Variants in CELF2 observed in about 807,000 individuals in gnomAD.
The protein encoded by CELF2 is CUG triplet repeat RNA-binding protein 2.
Under a neutral mutation model 62.6 loss-of-function variants are expected in CELF2, and 8 were observed. The ratio of observed to expected loss-of-function variants is 0.13; its 90% confidence interval spans 0.07 to 0.23. The LOEUF (loss-of-function observed/expected upper bound fraction) is 0.23. Among genes scored for constraint, CELF2 ranks in the 10% least tolerant of loss-of-function variants. CELF2 has a pLI of 1.00. For synonymous variants in CELF2, 258 were observed against 250.0 expected, an observed-to-expected ratio of 1.03 and a Z score of -0.30; for missense variants, 333 against 671.0, an observed-to-expected ratio of 0.50 and a Z score of 5.56.
intron 1 of CELF2, among the ~76,000 whole-genome samples, chr10:10,835,665 G>A (rs1476613797): frequency 6.6e-6 from 1 of 152,160 alleles, no homozygotes; most frequent in African/African-American, 2.4e-5. Flanking sequence ...TTACAGGTGT[G>A]AGCCACCACG....
chr10:10,521,103 C>G, the CELF2 span, among the ~76,000 whole-genome samples: 2 of 152,282 alleles, frequency 1.3e-5, no homozygotes, highest in East Asian at 1.9e-4. Context: ...CAAGAGGAAA[C>G]AGAAGGTGGC....
At chr10:10,881,747 C>G (rs1156770473) in intron 1 of CELF2, among the ~76,000 whole-genome samples, 2 of 117,626 alleles carry the variant, frequency 1.7e-5, no homozygotes, top group African/African-American at 2.7e-5. Flanking sequence ...CTGCTAGAAT[C>G]CCTTTTTTTC....
At chr10:11,194,484 C>T (rs1309312853) in intron 2 of CELF2, among the ~76,000 whole-genome samples, 1 of 152,196 alleles carries the variant, frequency 6.6e-6, no homozygotes, top group Admixed American at 6.5e-5. Flanking sequence ...TGCATTCATA[C>T]AGTCCCCTAG....
the CELF2 span, among the ~76,000 whole-genome samples, chr10:10,531,592 C>T: frequency 1.6e-4 from 24 of 152,216 alleles, no homozygotes; most frequent in African/African-American, 5.1e-4. Context: ...CACACTGAGC[C>T]GCTCTACCCA....
At chr10:10,565,726 G>A in the CELF2 span, among the ~76,000 whole-genome samples, 395 of 152,238 alleles carry the variant, frequency 2.6e-3, 3 homozygotes, top group African/African-American at 9.2e-3. Flanking sequence ...TAATAAGCAC[G>A]GTAATGCAAA....
At chr10:10,954,974 A>T (rs1554749217) in intron 2 of CELF2, among the ~76,000 whole-genome samples, 1 of 152,250 alleles carries the variant, frequency 6.6e-6, no homozygotes, top group Non-Finnish European at 1.5e-5. Context: ...TCAACTGCCT[A>T]TTTCAAAGGC....
At chr10:11,277,565 C>G (rs2086626672) in intron 8 of CELF2, among the ~76,000 whole-genome samples, 1 of 152,216 alleles carries the variant, frequency 6.6e-6, no homozygotes, top group African/African-American at 2.4e-5. Context: ...GAACAGATTT[C>G]TAACTCAACA....
chr10:10,726,233 G>A, the CELF2 span, among the ~76,000 whole-genome samples: 1 of 152,182 alleles, frequency 6.6e-6, no homozygotes, highest in Non-Finnish European at 1.5e-5. Context: ...GCCTAGGGGT[G>A]AAGTAGAGGG....
intron 1 of CELF2, among the ~76,000 whole-genome samples, chr10:11,126,737 T>C (rs891907160): frequency 2.6e-5 from 4 of 152,184 alleles, no homozygotes; most frequent in African/African-American, 9.7e-5. Context: ...TTTCATAATA[T>C]ATACATTTCT....
chr10:10,773,582 G>A, the CELF2 span, among the ~76,000 whole-genome samples: 1 of 152,128 alleles, frequency 6.6e-6, no homozygotes, highest in Non-Finnish European at 1.5e-5. Flanking sequence ...GCTTTAACTG[G>A]GTACCTCTGA....
chr10:11,069,665 G>A (rs1160897199), intron 1 of CELF2, among the ~76,000 whole-genome samples: 1 of 152,146 alleles, frequency 6.6e-6, no homozygotes, highest in Non-Finnish European at 1.5e-5. Context: ...ATACAGAGGT[G>A]GTTAGAAGGA....
intron 4 of CELF2, 52 bp downstream of exon 4, chr10:11,249,253 TAC>T: frequency 1.3e-6 from 2 of 1,485,276 alleles, no homozygotes; most frequent in Non-Finnish European, 1.9e-6. Flanking sequence ...TGCTTTAAAT[TAC>T]AAAGTCAGTT....
At chr10:10,872,614 G>A (rs1459358698) in intron 1 of CELF2, among the ~76,000 whole-genome samples, 2 of 152,102 alleles carry the variant, frequency 1.3e-5, no homozygotes, top group East Asian at 3.9e-4. Context: ...GCAAGGCTGT[G>A]CCGACTCTAA....
intron 1 of CELF2, among the ~76,000 whole-genome samples, chr10:10,906,051 A>T (rs553921454): frequency 1.6e-4 from 25 of 152,188 alleles, no homozygotes; most frequent in Non-Finnish European, 3.2e-4. Context: ...AGCCTGGGCG[A>T]TAGAGCCAGA....
intron 1 of CELF2, among the ~76,000 whole-genome samples, chr10:10,855,672 C>T (rs116558688): frequency 5.3e-4 from 81 of 152,276 alleles, no homozygotes; most frequent in Middle Eastern, 3.4e-3. Flanking sequence ...TTAACTTAAA[C>T]CAATTTTTTC....
At chr10:11,084,327 G>A (rs951227098) in intron 1 of CELF2, among the ~76,000 whole-genome samples, 8 of 152,220 alleles carry the variant, frequency 5.3e-5, no homozygotes, top group Admixed American at 5.2e-4. Flanking sequence ...AAGATTGGCT[G>A]TGTTTTTGAA....
intron 1 of CELF2, among the ~76,000 whole-genome samples, chr10:10,888,349 CT>C (rs2061902916): frequency 1.3e-5 from 2 of 152,150 alleles, no homozygotes. Flanking sequence ...ACAGGCACCC[CT>C]GTAGACTGAA....
At chr10:11,084,296 G>T (rs955256102) in intron 1 of CELF2, among the ~76,000 whole-genome samples, 2 of 152,228 alleles carry the variant, frequency 1.3e-5, no homozygotes, top group African/African-American at 4.8e-5. Context: ...TTGTTGGGCA[G>T]CCAGAGGAAT....
At chr10:11,100,903 A>G in intron 1 of CELF2, among the ~76,000 whole-genome samples, 1 of 152,220 alleles carries the variant, frequency 6.6e-6, no homozygotes, top group East Asian at 1.9e-4. Context: ...ATGAAACAAA[A>G]TCCGCATTAG....
Sources: gnomAD v4.1 joint callset for allele counts (sites outside exome capture counted in the v4.1 genomes callset) on GRCh38, gnomAD v4.1.1 for gene constraint, MANE v1.5 for transcripts, NCBI Gene and HGNC (gene_info 2026-07-23, HGNC 2026-07-21) for gene names.